SPATA9: variants seen among roughly 807,000 people sequenced by gnomAD.
SPATA9 encodes the protein spermatogenesis-associated protein 9.
In SPATA9, 27 loss-of-function variants were observed where a neutral mutation model predicts 25.5. That is an observed-to-expected ratio of 1.06 (90% CI 0.78 to 1.46). The LOEUF is 1.46. SPATA9 is among the 40% of genes most tolerant of loss of function. SPATA9 has a pLI of 0.00. For missense variants in SPATA9, 282 were observed against 297.5 expected, an observed-to-expected ratio of 0.95 and a Z score of 0.38; for synonymous variants, 102 against 105.7, an observed-to-expected ratio of 0.97 and a Z score of 0.21.
At chr5:95,662,921 T>C (rs1751398506) in intron 4 of SPATA9, among the ~76,000 whole-genome samples, 1 of 152,192 alleles carries the variant, frequency 6.6e-6, no homozygotes, top group African/African-American at 2.4e-5. Flanking sequence ...TTGACAATAC[T>C]GTCAGTAATG....
chr5:95,727,600 G>T, the SPATA9 span, among the ~76,000 whole-genome samples: 1 of 152,308 alleles, frequency 6.6e-6, no homozygotes, highest in South Asian at 2.1e-4. Context: ...TGACCTTGAG[G>T]TTGGAGGACA....
upstream of SPATA9, among the ~76,000 whole-genome samples, chr5:95,698,988 G>A (rs1037334825): frequency 6.6e-6 from 1 of 152,150 alleles, no homozygotes; most frequent in African/African-American, 2.4e-5. Context: ...CTATGAGCTG[G>A]AACAAATGGA....
intron 4 of SPATA9, among the ~76,000 whole-genome samples, chr5:95,659,965 TA>T (rs1330232527): frequency 6.6e-6 from 1 of 152,144 alleles, no homozygotes; most frequent in Non-Finnish European, 1.5e-5. Flanking sequence ...TGAACACTGA[TA>T]GTATTGTGAT....
intron 1 of SPATA9, among the ~76,000 whole-genome samples, chr5:95,689,477 T>C (rs1753831330): frequency 6.6e-6 from 1 of 152,010 alleles, no homozygotes; most frequent in Non-Finnish European, 1.5e-5. Flanking sequence ...GTATATCAAA[T>C]TGGTTATATA....
At chr5:95,679,404 A>G (rs1753225191) in intron 2 of SPATA9, among the ~76,000 whole-genome samples, 1 of 152,196 alleles carries the variant, frequency 6.6e-6, no homozygotes, top group Non-Finnish European at 1.5e-5. Flanking sequence ...TACCAAGGCT[A>G]GGGGAATGCA....
In SPATA9 at chr5:95,664,092, G is replaced by A. The variant is rs766941997; in HGVS notation, c.379-44C>T. On this transcript the variant is annotated intron_variant, in intron 3 of 4. Transcript: ENST00000274432. Reference sequence around the variant, plus strand: ...TTTTCTTAATAAACAAACATTTTCAGTGTTTCAATGTCATATTGTACAATG... The same window carrying A: ...TTTTCTTAATAAACAAACATTTTCAATGTTTCAATGTCATATTGTACAATG... 4.5e-6 allele frequency: 5 copies of A among 1,119,784 alleles called. No individual in the cohort carries two copies. The Admixed American group carries it at 9.4e-5, about 21-fold the overall frequency. The allele number at this position is 1,119,784 out of a possible 1,614,324, so 69.4% of individuals were successfully genotyped here.
chr5:95,730,895 TG>T, the SPATA9 span: 1 of 455,844 alleles, frequency 2.2e-6, no homozygotes, highest in Non-Finnish European at 4.4e-6. Context: ...GCGGCAGACG[TG>T]GTAAAGCACT....
chr5:95,704,630 C>T, the SPATA9 span, among the ~76,000 whole-genome samples: 1 of 151,880 alleles, frequency 6.6e-6, no homozygotes, highest in Non-Finnish European at 1.5e-5. Flanking sequence ...AAATATATTG[C>T]CTTAAAAATA....
the SPATA9 span, chr5:95,732,042 G>A: frequency 4.3e-6 from 7 of 1,614,102 alleles, no homozygotes; most frequent in East Asian, 1.1e-4. Context: ...AGGCCAGTGC[G>A]TTTGGGAATG....
upstream of SPATA9, among the ~76,000 whole-genome samples, chr5:95,700,417 A>G (rs1754150263): frequency 6.6e-6 from 1 of 152,066 alleles, no homozygotes. Flanking sequence ...CTCCTGCCTC[A>G]GCCTCCAGAG....
intron 1 of SPATA9, among the ~76,000 whole-genome samples, chr5:95,697,560 T>C (rs1233617235): frequency 6.6e-6 from 1 of 152,102 alleles, no homozygotes; most frequent in Non-Finnish European, 1.5e-5. Flanking sequence ...CTAGAGACAA[T>C]CAACTCCACA....
chr5:95,675,928 T>G (rs1358764992), intron 2 of SPATA9, among the ~76,000 whole-genome samples: 2 of 151,456 alleles, frequency 1.3e-5, no homozygotes, highest in Non-Finnish European at 2.9e-5. Flanking sequence ...TTCAAGCAAT[T>G]TTCCTGACTC....
intron 3 of SPATA9, among the ~76,000 whole-genome samples, chr5:95,674,324 T>C (rs466748): frequency 0.78 from 118,580 of 152,112 alleles, 47,273 homozygotes; most frequent in East Asian, 0.97. Context: ...GAGGATTCCC[T>C]CATTCCACAC....
intron 4 of SPATA9, among the ~76,000 whole-genome samples, chr5:95,662,514 G>A (rs954026791): frequency 2.6e-5 from 4 of 152,018 alleles, no homozygotes; most frequent in African/African-American, 7.2e-5. Context: ...AGCCTCCCCC[G>A]TCAGCCTCCT....
At chr5:95,690,746 T>C (rs1288828684) in intron 1 of SPATA9, among the ~76,000 whole-genome samples, 2 of 152,230 alleles carry the variant, frequency 1.3e-5, no homozygotes, top group African/African-American at 4.8e-5. Flanking sequence ...ATCTTCCAGT[T>C]TCCCAGAAAT....
the SPATA9 span, among the ~76,000 whole-genome samples, chr5:95,729,923 TC>T: frequency 6.6e-6 from 1 of 152,206 alleles, no homozygotes; most frequent in African/African-American, 2.4e-5. Context: ...CATTCTAGTG[TC>T]TTTGTTTTTG....
At chr5:95,671,944 T>TA (rs1196698584) in intron 3 of SPATA9, among the ~76,000 whole-genome samples, 2 of 149,782 alleles carry the variant, frequency 1.3e-5, no homozygotes, top group African/African-American at 4.9e-5. Context: ...AGAAATGCTA[T>TA]AAAAATGAAG....
rs1353243818 is a variant in SPATA9, at chr5:95,688,658, C to A, written n.124+9930G>T. The stretch of plus-strand genomic sequence containing the variant: ...GCATGTTCTCACTTATAAGTGGGAG[C>A]TAAATAATGCATAAACATGGACATA... On this transcript the variant is annotated intron_variant and non_coding_transcript_variant, in intron 1 of 2. Transcript: ENST00000379990. Among the ~76,000 whole-genome samples, 3 of 152,016 alleles carry A rather than the reference C, an allele frequency of 2.0e-5. No homozygotes were observed. In the South Asian group the frequency reaches 6.2e-4, roughly 32 times the overall value.
At chr5:95,687,399 G>A (rs577470105), upstream of SPATA9, among the ~76,000 whole-genome samples, 1 of 152,300 alleles carries the variant, frequency 6.6e-6, no homozygotes, top group Non-Finnish European at 1.5e-5. Context: ...CCTTTTGTGT[G>A]TAAATAGGAA....
Sources: gnomAD v4.1 joint callset for allele counts (sites outside exome capture counted in the v4.1 genomes callset) on GRCh38, gnomAD v4.1.1 for gene constraint, MANE v1.5 for transcripts, NCBI Gene and HGNC (gene_info 2026-07-23, HGNC 2026-07-21) for gene names.